Variants in CEP112 observed in about 807,000 individuals in gnomAD.
CEP112 encodes centrosomal protein 112, also known as centrosomal protein of 112 kDa.
In CEP112, 127 loss-of-function variants were observed where a neutral mutation model predicts 153.0. That is an observed-to-expected ratio of 0.83 (90% CI 0.72 to 0.96). CEP112 has a LOEUF of 0.96. Among genes scored for constraint, CEP112 ranks in the 40% least tolerant of loss-of-function variants. The pLI is 0.00. For missense variants in CEP112, 1,089 were observed against 1,101.2 expected, an observed-to-expected ratio of 0.99 and a Z score of 0.16; for synonymous variants, 358 against 374.4, an observed-to-expected ratio of 0.96 and a Z score of 0.51.
chr17:65,737,315 C>T (rs2050860837), intron 23 of CEP112, among the ~76,000 whole-genome samples: 1 of 152,156 alleles, frequency 6.6e-6, no homozygotes, highest in African/African-American at 2.4e-5. Flanking sequence ...AGGGGCTCAA[C>T]TTCAAAACTT....
intron 23 of CEP112, among the ~76,000 whole-genome samples, chr17:65,715,444 A>G (rs1278523763): frequency 6.6e-6 from 1 of 152,054 alleles, no homozygotes; most frequent in Non-Finnish European, 1.5e-5. Flanking sequence ...TGTATTAATA[A>G]CCATAAAAGA....
chr17:65,870,047 A>C (rs1047158187), intron 20 of CEP112, among the ~76,000 whole-genome samples: 2 of 75,760 alleles, frequency 2.6e-5, no homozygotes, highest in African/African-American at 7.4e-5. Flanking sequence ...GAAAGAAAGA[A>C]AGAAAGAAAG....
At chr17:66,037,951 A>G (rs1340954426) in intron 12 of CEP112, among the ~76,000 whole-genome samples, 5 of 152,102 alleles carry the variant, frequency 3.3e-5, no homozygotes, top group Non-Finnish European at 5.9e-5. Context: ...CCAGATGGAC[A>G]AAACCAATCT....
intron 6 of CEP112, among the ~76,000 whole-genome samples, chr17:66,117,449 CCT>C (rs1263835109): frequency 2.0e-5 from 3 of 152,100 alleles, no homozygotes; most frequent in African/African-American, 7.2e-5. Flanking sequence ...ATGGCTGACT[CCT>C]CATGGAAAAC....
chr17:65,989,799 C>T (rs1033758581), intron 17 of CEP112, among the ~76,000 whole-genome samples: 44 of 152,194 alleles, frequency 2.9e-4, no homozygotes, highest in African/African-American at 1.0e-3. Flanking sequence ...CTATAAAAAA[C>T]AATACTACCT....
At chr17:65,912,975 C>G (rs531820874) in intron 19 of CEP112, among the ~76,000 whole-genome samples, 69 of 152,158 alleles carry the variant, frequency 4.5e-4, no homozygotes, top group African/African-American at 1.6e-3. Flanking sequence ...CTTTCAATGG[C>G]AAAACCCACA....
intron 19 of CEP112, among the ~76,000 whole-genome samples, chr17:65,924,326 C>T (rs2144123143): frequency 6.6e-6 from 1 of 152,190 alleles, no homozygotes; most frequent in Admixed American, 6.5e-5. Flanking sequence ...TTCAGTATTA[C>T]AAATAATCCT....
At chr17:66,054,191 G>A (rs532352184) in intron 11 of CEP112, among the ~76,000 whole-genome samples, 66 of 152,228 alleles carry the variant, frequency 4.3e-4, no homozygotes, top group African/African-American at 1.5e-3. Flanking sequence ...AACATTACTA[G>A]TATTAGTCTG....
At chr17:66,027,985 AAGAAAG>A (rs1260363026) in intron 15 of CEP112, among the ~76,000 whole-genome samples, 1 of 55,648 alleles carries the variant, frequency 1.8e-5, no homozygotes, top group Non-Finnish European at 4.2e-5. Flanking sequence ...GAAAGAGGGA[AAGAAAG>A]AGAGAAATTA....
chr17:65,658,317 C>G (rs1026561763), intron 24 of CEP112, among the ~76,000 whole-genome samples: 15 of 152,130 alleles, frequency 9.9e-5, no homozygotes, highest in African/African-American at 3.4e-4. Context: ...AGGGGGGCAG[C>G]TGGGAGCTGC....
At chr17:65,761,904 C>T (rs866539179) in intron 21 of CEP112, among the ~76,000 whole-genome samples, 2 of 152,066 alleles carry the variant, frequency 1.3e-5, no homozygotes, top group South Asian at 2.1e-4. Flanking sequence ...CCATTATTTC[C>T]AGTTGATTGA....
At chr17:66,028,260 T>C in intron 15 of CEP112, 53 bp downstream of exon 15, 1 of 1,117,174 alleles carries the variant, frequency 9.0e-7, no homozygotes, top group South Asian at 1.4e-5. Context: ...TACATCTGAA[T>C]CAAGAAAACT....
intron 12 of CEP112, among the ~76,000 whole-genome samples, chr17:66,041,798 A>G (rs2065993298): frequency 1.3e-5 from 2 of 152,230 alleles, no homozygotes; most frequent in African/African-American, 4.8e-5. Flanking sequence ...GTATGAATAA[A>G]TAATAGAATA....
intron 20 of CEP112, among the ~76,000 whole-genome samples, chr17:65,876,967 CTGTT>C (rs150750208): frequency 1.3e-5 from 2 of 152,118 alleles, no homozygotes; most frequent in South Asian, 2.1e-4. Flanking sequence ...CTGTGATCAT[CTGTT>C]TGTTTAGTCT....
At chr17:65,933,493 A>C (rs1389669682) in intron 18 of CEP112, among the ~76,000 whole-genome samples, 1 of 152,344 alleles carries the variant, frequency 6.6e-6, no homozygotes, top group East Asian at 1.9e-4. Context: ...CAGATTTCTC[A>C]GCAGAAACCC....
intron 8 of CEP112, among the ~76,000 whole-genome samples, chr17:66,090,320 T>C (rs1028545963): frequency 2.0e-5 from 3 of 152,024 alleles, no homozygotes; most frequent in Non-Finnish European, 4.4e-5. Flanking sequence ...AAATGACTTA[T>C]ATCTTTAGTA....
chr17:65,786,674 T>A (rs981208868), intron 21 of CEP112, among the ~76,000 whole-genome samples: 2 of 150,872 alleles, frequency 1.3e-5, no homozygotes, highest in Non-Finnish European at 3.0e-5. Flanking sequence ...GCAGATTTGA[T>A]CTCCTGGGCT....
chr17:66,035,359 G>A (rs535148852), intron 12 of CEP112, among the ~76,000 whole-genome samples: 32 of 152,110 alleles, frequency 2.1e-4, no homozygotes, highest in Non-Finnish European at 3.7e-4. Context: ...TGTAAGTACC[G>A]ACAAGTGAGT....
chr17:65,729,782 A>G lies in CEP112; in HGVS notation c.2607+13286T>C, dbSNP rs144847577. On this transcript the variant is annotated intron_variant, in intron 23 of 26. Transcript: ENST00000535342. ...AAACTAGCTGGGTGTGGTGACGCAC[A>G]TCTGTAATCCCAGCTACTAAGGTTG... Among the ~76,000 whole-genome samples, 234 of 152,272 alleles carry G rather than the reference A, an allele frequency of 1.5e-3. 1 individual carries two copies. The highest frequency in any genetic ancestry group is 5.5e-3 in the African/African-American group (228 of 41,558).
Sources: allele counts gnomAD v4.1 joint callset (sites outside exome capture counted in the v4.1 genomes callset), GRCh38; gene constraint gnomAD v4.1.1; transcripts MANE v1.5; gene names NCBI Gene and HGNC (gene_info 2026-07-23, HGNC 2026-07-21).